The following PCDHGA4 variants were observed in gnomAD, a reference collection of about 807,000 sequenced individuals.
The protein encoded by PCDHGA4 is protocadherin gamma subfamily A, 4, also known as protocadherin gamma-A4.
A neutral mutation model predicts 54.6 loss-of-function variants in PCDHGA4; 38 were observed. That is an observed-to-expected ratio of 0.70 (90% CI 0.54 to 0.91). The LOEUF is 0.91. Among genes scored for constraint, PCDHGA4 ranks in the 40% least tolerant of loss-of-function variants. PCDHGA4 has a pLI of 0.00. For missense variants in PCDHGA4, 1,298 were observed against 1,220.9 expected, an observed-to-expected ratio of 1.06 and a Z score of -0.94; for synonymous variants, 511 against 512.9, an observed-to-expected ratio of 1.00 and a Z score of 0.05.
intron 1 of PCDHGA4, among the ~76,000 whole-genome samples, chr5:141,452,094 G>A (rs760924457): frequency 6.6e-6 from 1 of 152,162 alleles, no homozygotes; most frequent in South Asian, 2.1e-4. Context: ...CAGTAAGAAA[G>A]AGCTTTCTTT....
intron 1 of PCDHGA4, among the ~76,000 whole-genome samples, chr5:141,468,979 C>T (rs1394344696): frequency 6.7e-6 from 1 of 149,482 alleles, no homozygotes; most frequent in African/African-American, 2.5e-5. Flanking sequence ...CTTTTGACTT[C>T]CAAAATTATT....
intron 1 of PCDHGA4, chr5:141,478,344 A>G: frequency 6.2e-7 from 1 of 1,613,882 alleles, no homozygotes; most frequent in Non-Finnish European, 8.5e-7. Context: ...CCCTCCTTGC[A>G]CGCGGACGCC....
At chr5:141,403,699 T>G (rs780425739) in intron 1 of PCDHGA4, 6 of 1,613,934 alleles carry the variant, frequency 3.7e-6, no homozygotes, top group East Asian at 2.2e-5. Context: ...TTTACCGAGT[T>G]AAAGTCCTTG....
chr5:141,387,136 T>G (rs985189189), intron 1 of PCDHGA4, among the ~76,000 whole-genome samples: 1 of 152,210 alleles, frequency 6.6e-6, no homozygotes, highest in Non-Finnish European at 1.5e-5. Context: ...CTGAAACTAT[T>G]GGGAAGGGGG....
At chr5:141,370,460 C>G (rs373931690) in intron 1 of PCDHGA4, 43 of 1,612,562 alleles carry the variant, frequency 2.7e-5, no homozygotes, top group East Asian at 4.5e-5. Flanking sequence ...TCTTCCTGCT[C>G]TCTTTGTTAG....
intron 1 of PCDHGA4, chr5:141,362,210 T>C (rs1343767561): frequency 1.2e-6 from 2 of 1,613,942 alleles, no homozygotes; most frequent in Non-Finnish European, 1.7e-6. Context: ...CAGTTTTACC[T>C]GGTTGTGGCC....
intron 1 of PCDHGA4, chr5:141,388,283 C>T (rs1164558432): frequency 1.2e-6 from 2 of 1,613,304 alleles, no homozygotes; most frequent in East Asian, 4.5e-5. Flanking sequence ...CGCCAAAATT[C>T]ACGCAAAATT....
chr5:141,400,501 G>A lies in PCDHGA4; in HGVS notation c.2514+42880G>A, dbSNP rs574905149. 3.4e-5 allele frequency: 55 copies of A among 1,613,996 alleles called. 1 individual carries two copies. The East Asian group carries it at 1.1e-3, about 33-fold the overall frequency. On this transcript the variant is annotated intron_variant, in intron 1 of 3. Coordinates refer to ENST00000571252, the MANE Select transcript of PCDHGA4 (RefSeq NM_018917.4). ...CTTATTTCCACTTTGTAATTCCAGC[G>A]AGTCGACTTCCCATCCTGAGTTGGT... is the stretch of plus-strand genomic sequence containing the variant.
chr5:141,492,224 T>C (rs2099738444), intron 1 of PCDHGA4, among the ~76,000 whole-genome samples: 1 of 152,134 alleles, frequency 6.6e-6, no homozygotes, highest in South Asian at 2.1e-4. Flanking sequence ...CTCATGCGTG[T>C]CCTCCCTGCT....
chr5:141,448,232 T>A (rs917554207), intron 1 of PCDHGA4, among the ~76,000 whole-genome samples: 1 of 152,094 alleles, frequency 6.6e-6, no homozygotes, highest in Admixed American at 6.6e-5. Context: ...ATGTGTGGGG[T>A]TTTCTTTGCA....
At position 141,381,559 on chromosome 5, in the gene PCDHGA4, A is replaced by G. The variant is rs547767768; in HGVS notation, c.2514+23938A>G. 3.2e-4 allele frequency among the ~76,000 whole-genome samples: 48 copies of G among 152,342 alleles called. No individual in the cohort carries two copies. In the Middle Eastern group the frequency reaches 0.01, roughly 32 times the overall value. ...AGGATGAAGACTTGAATTGAATTGC[A>G]TAATGAAAAGAATCAGCCAATCCAT... On this transcript the variant is annotated intron_variant, in intron 1 of 3. Transcript: ENST00000571252.
chr5:141,390,573 C>T, intron 1 of PCDHGA4: 2 of 381,276 alleles, frequency 5.2e-6, no homozygotes, highest in Non-Finnish European at 9.4e-6. Context: ...TGGCTCTCTC[C>T]TAAAAAGTGA....
In PCDHGA4 at chr5:141,498,877, G is replaced by A. The variant is rs886444261; in HGVS notation, c.2573+4012G>A. ...GAACCCAGGAGGCGGAGGTTGCAGTGAGCTGAGATCACACCACTGCACTCC... is the reference window on the plus strand; with the variant it reads ...GAACCCAGGAGGCGGAGGTTGCAGTAAGCTGAGATCACACCACTGCACTCC... On this transcript the variant is annotated intron_variant, in intron 2 of 3. Coordinates refer to ENST00000571252, the MANE Select transcript of PCDHGA4 (RefSeq NM_018917.4). Among the ~76,000 whole-genome samples, 8 of 149,816 alleles carry A rather than the reference G, an allele frequency of 5.3e-5. No individual in the cohort carries two copies. In the East Asian group the frequency reaches 1.4e-3, roughly 26 times the overall value.
intron 1 of PCDHGA4, chr5:141,390,095 TC>T (rs1456939693): frequency 6.2e-7 from 1 of 1,613,972 alleles, no homozygotes; most frequent in Non-Finnish European, 8.5e-7. Context: ...AATCCGTGGT[TC>T]CCCCCAACTA....
chr5:141,415,740 G>GTTTTTTTTTTT (rs57426385), intron 1 of PCDHGA4: 102 of 625,036 alleles, frequency 1.6e-4, no homozygotes, highest in Admixed American at 2.1e-4. Context: ...GTTTATTAAG[G>GTTTTTTTTTTT]TTTTTTTTTT....
rs73792170 is a variant in PCDHGA4, at chr5:141,365,536, T to C, written c.2514+7915T>C. The C allele has an allele frequency of 3.4e-3, 5,425 of 1,613,776 alleles. 115 individuals are homozygous for C. In the African/African-American group the frequency reaches 0.05, roughly 15 times the overall value. On this transcript the variant is annotated intron_variant, in intron 1 of 3. Transcript: ENST00000571252. ...TGGAGAAGTCAGTTGATAATTACTATCACCTATTAACAACTAGGGACCTGG... is the reference window on the plus strand; with the variant it reads ...TGGAGAAGTCAGTTGATAATTACTACCACCTATTAACAACTAGGGACCTGG...
At chr5:141,388,569 C>T (rs368780854) in intron 1 of PCDHGA4, 7 of 1,613,862 alleles carry the variant, frequency 4.3e-6, no homozygotes, top group African/African-American at 1.3e-5. Context: ...TGCACAGATA[C>T]ACGTTCTAGT....
intron 1 of PCDHGA4, chr5:141,441,752 C>A (rs1043293959): frequency 5.3e-6 from 2 of 377,970 alleles, no homozygotes; most frequent in Non-Finnish European, 5.3e-6. Flanking sequence ...TCGGCGTCAA[C>A]GTGAGCCTGC....
rs777325229 is a variant in PCDHGA4, at chr5:141,403,135, G to A, written c.2514+45514G>A. On this transcript the variant is annotated intron_variant, in intron 1 of 3. Transcript: ENST00000571252. ...CTCTGGAGCCCCGGGAGCTGGCGGA[G>A]CGCCGAGTCCGCATCGTCTCTAGAG... 8 of 1,613,948 alleles carry A rather than the reference G, an allele frequency of 5.0e-6. No homozygotes were observed. The African/African-American group carries it at 8.0e-5, about 16-fold the overall frequency.
Sources: allele counts gnomAD v4.1 joint callset (sites outside exome capture counted in the v4.1 genomes callset), GRCh38; gene constraint gnomAD v4.1.1; transcripts MANE v1.5; gene names NCBI Gene and HGNC (gene_info 2026-07-23, HGNC 2026-07-21).